The following TMEM132D variants were observed in gnomAD, a reference collection of about 807,000 sequenced individuals.
TMEM132D encodes mature OL transmembrane protein.
In TMEM132D, 21 loss-of-function variants were observed where a neutral mutation model predicts 62.3. That is an observed-to-expected ratio of 0.34 (90% CI 0.24 to 0.49). The LOEUF (loss-of-function observed/expected upper bound fraction) is 0.49, where lower values mean the gene tolerates loss of function less well. TMEM132D is among the 20% of genes least tolerant of loss of function. TMEM132D has a pLI of 0.99. For missense variants in TMEM132D, 1,346 were observed against 1,402.8 expected (o/e 0.96, Z 0.65); for synonymous variants, 621 against 575.6 (o/e 1.08, Z -1.13).
At chr12:129,490,099 T>G (rs909527220) in intron 3 of TMEM132D, among the ~76,000 whole-genome samples, 10 of 152,238 alleles carry the variant, frequency 6.6e-5, no homozygotes, top group Admixed American at 4.6e-4. Flanking sequence ...TCACAGCTAA[T>G]GGACACACTG....
intron 4 of TMEM132D, chr12:129,212,484 C>G (rs1879084098): frequency 6.6e-6 from 1 of 152,146 alleles, no homozygotes; most frequent in African/African-American, 2.4e-5. Context: ...AAAAGAGACC[C>G]TTGTTCAGTG....
chr12:129,358,901 G>T (rs1870158582), intron 3 of TMEM132D, among the ~76,000 whole-genome samples: 1 of 152,024 alleles, frequency 6.6e-6, no homozygotes, highest in South Asian at 2.1e-4. Context: ...CTACCCAGAG[G>T]GCTTGGGATT....
chr12:129,649,098 T>A (rs904962459), intron 2 of TMEM132D, among the ~76,000 whole-genome samples: 2 of 152,178 alleles, frequency 1.3e-5, no homozygotes, highest in Admixed American at 1.3e-4. Flanking sequence ...TGTTCTCAAA[T>A]GAAGAAACCA....
chr12:129,482,391 T>C (rs1300039247), intron 3 of TMEM132D, among the ~76,000 whole-genome samples: 2 of 152,248 alleles, frequency 1.3e-5, no homozygotes, highest in African/African-American at 4.8e-5. Context: ...ACCCATGCTA[T>C]ATTAAATGAA....
intron 4 of TMEM132D, among the ~76,000 whole-genome samples, chr12:129,271,642 T>A (rs2135601175): frequency 6.6e-6 from 1 of 151,866 alleles, no homozygotes; most frequent in South Asian, 2.1e-4. Context: ...CTCCTACTTA[T>A]GAGTGAGAAC....
At chr12:129,538,347 G>A (rs1876465201) in intron 2 of TMEM132D, among the ~76,000 whole-genome samples, 1 of 152,182 alleles carries the variant, frequency 6.6e-6, no homozygotes, top group Admixed American at 6.5e-5. Context: ...ATATGGCCAT[G>A]CAACTTGTGA....
intron 2 of TMEM132D, among the ~76,000 whole-genome samples, chr12:129,552,650 A>G (rs1200056119): frequency 2.0e-5 from 3 of 152,200 alleles, no homozygotes; most frequent in Non-Finnish European, 2.9e-5. Context: ...TCTACATAGC[A>G]TCTATCTACC....
chr12:129,796,337 T>TA (rs1417953192), intron 1 of TMEM132D, among the ~76,000 whole-genome samples: 2 of 152,196 alleles, frequency 1.3e-5, no homozygotes, highest in Non-Finnish European at 2.9e-5. Flanking sequence ...TTTTATTTTT[T>TA]AAAAAAGTTA....
chr12:129,195,118 G>T (rs1878512617), intron 5 of TMEM132D, among the ~76,000 whole-genome samples: 1 of 152,210 alleles, frequency 6.6e-6, no homozygotes. Flanking sequence ...GGGCAGGGAA[G>T]AAGGATGGGG....
rs747450436 is a variant in TMEM132D, at chr12:129,607,232, G to T, written c.969-76027C>A. On this transcript the variant is annotated intron_variant, in intron 2 of 8. Coordinates refer to ENST00000422113, the MANE Select transcript of TMEM132D (RefSeq NM_133448.3). The stretch of plus-strand genomic sequence containing the variant: ...ACCGATTAAAATCAGCAACAAGAAA[G>T]AAAAGGTGCTTAGGGTAGGATCTCT... Among the ~76,000 whole-genome samples, 4 of 152,342 alleles carry T rather than the reference G, an allele frequency of 2.6e-5. No homozygotes were observed. The South Asian group carries it at 8.3e-4, about 32-fold the overall frequency.
At position 129,568,785 on chromosome 12, in the gene TMEM132D, G is replaced by T. The variant is rs141922065; in HGVS notation, c.969-37580C>A. ...TTGAATTTGCTTGGTTTTGTTGTTT[G>T]GTTGGTTCAGCATAAAGGAAAACCA... On this transcript the variant is annotated intron_variant, in intron 2 of 8. Transcript: ENST00000422113. Among the ~76,000 whole-genome samples the T allele has an allele frequency of 7.5e-4, 114 of 152,198 alleles. 1 individual carries two copies. Among genetic ancestry groups the T allele is most frequent in the African/African-American group, 2.6e-3 (110 of 41,536 alleles).
chr12:129,843,961 T>C (rs115918234), intron 1 of TMEM132D, among the ~76,000 whole-genome samples: 1,874 of 151,942 alleles, frequency 0.012, 41 homozygotes, highest in African/African-American at 0.042. Flanking sequence ...ATTAGTTGGG[T>C]GTGGTGGTGT....
intron 4 of TMEM132D, among the ~76,000 whole-genome samples, chr12:129,211,563 A>G (rs1277544646): frequency 1.3e-5 from 2 of 152,144 alleles, no homozygotes; most frequent in East Asian, 3.8e-4. Context: ...TATGTTAACT[A>G]TTTCTTAGAT....
At chr12:129,898,264 T>C (rs2173906) in intron 1 of TMEM132D, among the ~76,000 whole-genome samples, 28,708 of 152,144 alleles carry the variant, frequency 0.19, 3,353 homozygotes, top group South Asian at 0.27. Context: ...GAAGCACAGT[T>C]AAAAATTGTA....
intron 1 of TMEM132D, among the ~76,000 whole-genome samples, chr12:129,730,907 C>G (rs962109808): frequency 2.6e-5 from 4 of 152,116 alleles, no homozygotes; most frequent in African/African-American, 7.2e-5. Context: ...GGTTTCCCTA[C>G]TTTTGAGGTT....
chr12:129,777,716 CT>C (rs1870985626), intron 1 of TMEM132D, among the ~76,000 whole-genome samples: 1 of 152,170 alleles, frequency 6.6e-6, no homozygotes, highest in Admixed American at 6.5e-5. Context: ...CATATACCAA[CT>C]TTTTACCACC....
At chr12:129,593,768 G>A (rs1878259652) in intron 2 of TMEM132D, among the ~76,000 whole-genome samples, 1 of 152,164 alleles carries the variant, frequency 6.6e-6, no homozygotes, top group African/African-American at 2.4e-5. Flanking sequence ...ACCTTTTAAA[G>A]CACTGGGAGG....
intron 2 of TMEM132D, among the ~76,000 whole-genome samples, chr12:129,569,954 T>C (rs1319476969): frequency 6.6e-6 from 1 of 152,116 alleles, no homozygotes; most frequent in African/African-American, 2.4e-5. Flanking sequence ...GAACAGTGGG[T>C]GTGTGATTTT....
intron 1 of TMEM132D, among the ~76,000 whole-genome samples, chr12:129,871,272 G>A (rs1162378302): frequency 1.3e-5 from 2 of 152,146 alleles, no homozygotes; most frequent in Non-Finnish European, 2.9e-5. Context: ...GTTTTATGCT[G>A]AAGTTGCTGG....
Sources: allele counts gnomAD v4.1 joint callset (sites outside exome capture counted in the v4.1 genomes callset), GRCh38; gene constraint gnomAD v4.1.1; transcripts MANE v1.5; gene names NCBI Gene and HGNC (gene_info 2026-07-23, HGNC 2026-07-21).